Variants in ADGRL3 observed in about 807,000 individuals in gnomAD.
ADGRL3 encodes the protein adhesion G protein-coupled receptor L3.
Under a neutral mutation model 153.5 loss-of-function variants are expected in ADGRL3, and 62 were observed. The ratio of observed to expected loss-of-function variants is 0.40; its 90% CI spans 0.33 to 0.50. The LOEUF is 0.50. Among genes scored for constraint, ADGRL3 ranks in the 20% least tolerant of loss-of-function variants. The probability of loss-of-function intolerance (pLI) is 0.47; values close to 1 mark genes in which losing one functional copy is unlikely to be tolerated. For missense variants in ADGRL3, 1,641 were observed against 1,859.4 expected (o/e 0.88, Z 2.16); for synonymous variants, 710 against 672.5 (o/e 1.06, Z -0.86).
rs572328587 is a variant in ADGRL3 at position 61,584,183 on chromosome 4, G to A, written c.260-3044G>A. On this transcript the variant is annotated intron_variant, in intron 4 of 26. Coordinates refer to ENST00000683033, the MANE Select transcript of ADGRL3 (RefSeq NM_001387552.1). The stretch of plus-strand genomic sequence containing the variant: ...AGATAATGTTATAGAGTAATTTCCA[G>A]CCATACATTCCCATTAACAAATTCC... Among the ~76,000 whole-genome samples the A allele has an allele frequency of 6.6e-5, 10 of 151,988 alleles. No individual in the cohort carries two copies. The East Asian group carries it at 1.9e-3, about 29-fold the overall frequency.
intron 25 of ADGRL3, among the ~76,000 whole-genome samples, chr4:62,054,702 G>A (rs1457803570): frequency 6.6e-6 from 1 of 151,514 alleles, no homozygotes; most frequent in Non-Finnish European, 1.5e-5. Flanking sequence ...GCCATTGGGA[G>A]AAAGTGTAAA....
chr4:61,473,554 G>C (rs1345622009), intron 2 of ADGRL3, among the ~76,000 whole-genome samples: 1 of 151,948 alleles, frequency 6.6e-6, no homozygotes, highest in African/African-American at 2.4e-5. Context: ...TTGTGGCTCA[G>C]CTTTTCCATA....
At chr4:61,555,645 G>A (rs2098762030) in intron 4 of ADGRL3, among the ~76,000 whole-genome samples, 1 of 152,108 alleles carries the variant, frequency 6.6e-6, no homozygotes, top group Non-Finnish European at 1.5e-5. Flanking sequence ...GGATCTCAGG[G>A]CGAGTCTGTA....
intron 5 of ADGRL3, among the ~76,000 whole-genome samples, chr4:61,593,421 C>T (rs1199902539): frequency 6.6e-6 from 1 of 151,890 alleles, no homozygotes; most frequent in Admixed American, 6.6e-5. Flanking sequence ...TCTTATTGCT[C>T]ATTAACATCT....
chr4:61,350,444 G>A (rs887184675), intron 1 of ADGRL3, among the ~76,000 whole-genome samples: 24 of 145,940 alleles, frequency 1.6e-4, no homozygotes, highest in Admixed American at 9.9e-4. Flanking sequence ...TGCTCTTTAC[G>A]TTATCCCCAA....
intron 1 of ADGRL3, among the ~76,000 whole-genome samples, chr4:61,283,363 A>G (rs2093799657): frequency 6.6e-6 from 1 of 152,082 alleles, no homozygotes; most frequent in East Asian, 1.9e-4. Context: ...GATCCCTAAG[A>G]ACTGAGAGTT....
At chr4:61,504,297 C>T (rs2098412569) in intron 3 of ADGRL3, among the ~76,000 whole-genome samples, 2 of 152,172 alleles carry the variant, frequency 1.3e-5, no homozygotes, top group South Asian at 4.1e-4. Flanking sequence ...ACCCAGCCCC[C>T]TTTTACTCAT....
intron 5 of ADGRL3, among the ~76,000 whole-genome samples, chr4:61,596,430 G>T (rs1317830154): frequency 6.6e-6 from 1 of 152,102 alleles, no homozygotes; most frequent in Non-Finnish European, 1.5e-5. Context: ...ATTTTTACTT[G>T]TGCCACACTG....
chr4:61,666,662 G>A (rs1580176539), intron 5 of ADGRL3, among the ~76,000 whole-genome samples: 1 of 152,020 alleles, frequency 6.6e-6, no homozygotes, highest in South Asian at 2.1e-4. Flanking sequence ...GAGAAATAAA[G>A]TAGTATATTA....
chr4:61,783,153 C>T (rs1231440721), intron 8 of ADGRL3, among the ~76,000 whole-genome samples: 2 of 152,022 alleles, frequency 1.3e-5, no homozygotes, highest in Non-Finnish European at 2.9e-5. Context: ...TCAATTTTGC[C>T]TGAGGGCCAA....
rs574452534 is a variant in ADGRL3 at position 61,817,213 on chromosome 4, G to C, written c.1480+3324G>C. On this transcript the variant is annotated intron_variant, in intron 9 of 26. Transcript: ENST00000683033. Reference sequence around the variant, plus strand: ...CATGAATGGCATGTTGAAGGCAGGAGGCAGACAGGTTCCCGGGCTGAAAGG... The same window carrying C: ...CATGAATGGCATGTTGAAGGCAGGACGCAGACAGGTTCCCGGGCTGAAAGG... Among the ~76,000 whole-genome samples the C allele has an allele frequency of 2.6e-5, 4 of 151,680 alleles. No individual in the cohort carries two copies. In the East Asian group the frequency reaches 7.8e-4, roughly 30 times the overall value.
intron 15 of ADGRL3, 54 bp from the exon 16 acceptor site, chr4:61,946,860 A>T: frequency 7.7e-7 from 1 of 1,303,182 alleles, no homozygotes; most frequent in Non-Finnish European, 1.1e-6. Flanking sequence ...TCTCATTAGT[A>T]CTAACTAATT....
rs547982058 is a variant in ADGRL3 at position 61,843,506 on chromosome 4, T to C, written c.1480+29617T>C. On this transcript the variant is annotated intron_variant, in intron 9 of 26. Coordinates refer to ENST00000683033, the MANE Select transcript of ADGRL3 (RefSeq NM_001387552.1). ...ATCCTTCCTGTTGGCTGATACAATA[T>C]GCAAGAGGAGCCATTGTGGATCACA... is the stretch of plus-strand genomic sequence containing the variant. Among the ~76,000 whole-genome samples the C allele has an allele frequency of 2.6e-5, 4 of 152,234 alleles. No homozygotes were observed. In the East Asian group the frequency reaches 5.8e-4, roughly 22 times the overall value.
In ADGRL3 at chr4:61,870,036, AAGAG is replaced by A. The variant is rs1264186452; in HGVS notation, c.1481-22618_1481-22615del. ...AAAGGAAAGAAAGAAGAAAGAAAGA[AAGAG>A]AAAGAAAAGAAAGGAAAAAACGTAA... is the stretch of plus-strand genomic sequence containing the variant. On this transcript the variant is annotated intron_variant, in intron 9 of 26. Transcript: ENST00000683033. Among the ~76,000 whole-genome samples the A allele has an allele frequency of 4.7e-5, 7 of 148,922 alleles. No individual in the cohort carries two copies. The Middle Eastern group carries it at 0.021, about 437-fold the overall frequency.
intron 4 of ADGRL3, among the ~76,000 whole-genome samples, chr4:61,580,998 C>G (rs2098922465): frequency 6.6e-6 from 1 of 152,014 alleles, no homozygotes; most frequent in Non-Finnish European, 1.5e-5. Context: ...TTAAAATTGC[C>G]ACGTGTGTTG....
chr4:61,288,563 T>G (rs2150110581), intron 1 of ADGRL3, among the ~76,000 whole-genome samples: 1 of 152,138 alleles, frequency 6.6e-6, no homozygotes, highest in South Asian at 2.1e-4. Context: ...GCACTCTATT[T>G]ATATATTATT....
intron 9 of ADGRL3, among the ~76,000 whole-genome samples, chr4:61,865,346 G>T (rs1436192371): frequency 6.6e-6 from 1 of 152,098 alleles, no homozygotes; most frequent in Non-Finnish European, 1.5e-5. Flanking sequence ...GCTTGTGGGG[G>T]TGTCATCTGG....
At chr4:61,882,916 C>T (rs918941963) in intron 9 of ADGRL3, among the ~76,000 whole-genome samples, 12 of 152,094 alleles carry the variant, frequency 7.9e-5, no homozygotes, top group Non-Finnish European at 1.6e-4. Context: ...ACCAGCCTGA[C>T]CAACATGGTG....
chr4:61,877,656 C>T (rs2098483443), intron 9 of ADGRL3, among the ~76,000 whole-genome samples: 1 of 152,104 alleles, frequency 6.6e-6, no homozygotes, highest in Non-Finnish European at 1.5e-5. Context: ...GGCTAAAAGT[C>T]CAAGCTTCAA....
Sources: gnomAD v4.1 joint callset for allele counts (sites outside exome capture counted in the v4.1 genomes callset) on GRCh38, gnomAD v4.1.1 for gene constraint, MANE v1.5 for transcripts, NCBI Gene and HGNC (gene_info 2026-07-23, HGNC 2026-07-21) for gene names.